The following CYP3A7 variants were observed in gnomAD, a reference collection of about 807,000 sequenced individuals.
The protein encoded by CYP3A7 is cytochrome P450 family 3 subfamily A member 7.
Under a neutral mutation model 55.2 loss-of-function variants are expected in CYP3A7, and 45 were observed. The observed-to-expected ratio is 0.82, with a 90% CI of 0.64 to 1.05. The LOEUF is 1.05. CYP3A7 is among the 50% of genes least tolerant of loss of function. The probability of loss-of-function intolerance (pLI) is 0.00; values close to 1 mark genes in which losing one functional copy is unlikely to be tolerated. For synonymous variants in CYP3A7, 180 were observed against 207.4 expected (o/e 0.87, Z 1.13); for missense variants, 548 against 605.3 (o/e 0.91, Z 0.99).
In CYP3A7 at chr7:99,710,756, T is replaced by A. The variant is rs1384820717; in HGVS notation, c.1002A>T (p.Glu334Asp). Residue 334 changes from glutamate to aspartate, a missense_variant, in exon 10 of 13, where the codon GAA becomes GAT. Physicochemically the swap from Glu to Asp is conservative, Grantham distance 45 (BLOSUM62 2). Transcript: ENST00000336374. The stretch of plus-strand genomic sequence containing the variant: ...CCTTATTGGGTAAAACTGTATCAAT[T>A]TCCTTCTGCACTTTCTGCTGGACAT... ...HPDVQQKVQK[E>D]IDTVLPNKAP... 1 of 1,613,948 alleles carries A rather than the reference T, an allele frequency of 6.2e-7. No individual in the cohort carries two copies. Among genetic ancestry groups the A allele is most frequent in the Non-Finnish European group, 8.5e-7 (1 of 1,179,880 alleles).
Position 99,734,957 on chromosome 7 carries a change from A to G in CYP3A7, c.71+66T>C, listed in dbSNP as rs1814773358. 7.5e-6 allele frequency: 12 copies of G among 1,609,376 alleles called. No individual in the cohort carries two copies. The East Asian group carries it at 2.7e-4, about 36-fold the overall frequency. On this transcript the variant is annotated intron_variant, in intron 1 of 12. Coordinates refer to ENST00000336374, the MANE Select transcript of CYP3A7 (RefSeq NM_000765.5). ...TTTGCTATTCAAAACAGATAAGGGA[A>G]AGAGAGGCCTGATTAGCACCCCAAG...
chr7:99,708,024 A>G (rs979831055), intron 11 of CYP3A7, 50 bp from the exon 12 acceptor site: 2 of 1,612,860 alleles, frequency 1.2e-6, no homozygotes, highest in Non-Finnish European at 1.7e-6. Flanking sequence ...TAATACCTCT[A>G]AGAGTTACAT....
At chr7:99,730,303 A>T (rs1267334975) in intron 2 of CYP3A7, among the ~76,000 whole-genome samples, 1 of 152,228 alleles carries the variant, frequency 6.6e-6, no homozygotes, top group Admixed American at 6.5e-5. Context: ...TGTAAAAAAT[A>T]AACCCATGAA....
In CYP3A7 at chr7:99,715,830, G is replaced by T; in HGVS notation, c.598C>A (p.Gln200Lys). The T allele has an allele frequency of 6.2e-7, 1 of 1,613,930 alleles. No individual in the cohort carries two copies. Among genetic ancestry groups the T allele is most frequent in the Non-Finnish European group, 8.5e-7 (1 of 1,179,838 alleles). Residue 200 changes from glutamine to lysine, a missense_variant, in exon 7 of 13, where the codon CAA (glutamine) becomes AAA (lysine). Gln to Lys is a moderately conservative substitution (Grantham distance 53, BLOSUM62 1). Coordinates refer to ENST00000336374, the MANE Select transcript of CYP3A7 (RefSeq NM_000765.5). ...GVSIDSLNNP[Q>K]DPFVENTKKL... The stretch of plus-strand genomic sequence containing the variant: ...TTGGTGTTTTCCACAAAGGGGTCTT[G>T]TGGATTGTTGAGAGAGTCGATGCTC...
intron 2 of CYP3A7, among the ~76,000 whole-genome samples, chr7:99,728,728 A>T (rs1430257991): frequency 6.6e-6 from 1 of 152,212 alleles, no homozygotes; most frequent in African/African-American, 2.4e-5. Context: ...CCAGACAAAA[A>T]TGAGTTATTC....
At chr7:99,710,938 G>A in intron 9 of CYP3A7, 46 bp from the exon 10 acceptor site, 1 of 1,612,792 alleles carries the variant, frequency 6.2e-7, no homozygotes, top group Non-Finnish European at 8.5e-7. Flanking sequence ...GTCAATGTAG[G>A]GCATCACAGT....
intron 6 of CYP3A7, among the ~76,000 whole-genome samples, chr7:99,716,182 A>G (rs1309273541): frequency 6.6e-6 from 1 of 152,206 alleles, no homozygotes; most frequent in Admixed American, 6.5e-5. Flanking sequence ...ACAGAGATCC[A>G]CTATCAGACA....
In CYP3A7 at chr7:99,708,462, TACCC is replaced by T. The variant is rs546291552; in HGVS notation, c.1254-492_1254-489del. ...CCTCCTTCTCCTCCCTACCTTGTCTTACCCCTCCTTCTCTCCTCCTTCTCCTCCT... is the reference window on the plus strand; with the variant it reads ...CCTCCTTCTCCTCCCTACCTTGTCTTCTCCTTCTCTCCTCCTTCTCCTCCT... On this transcript the variant is annotated intron_variant, in intron 11 of 12. Transcript: ENST00000336374. 1.4e-4 allele frequency among the ~76,000 whole-genome samples: 21 copies of T among 152,126 alleles called. No individual in the cohort carries two copies. The East Asian group carries it at 2.3e-3, about 17-fold the overall frequency.
chr7:99,705,309 A>C lies in CYP3A7; in HGVS notation c.*191T>G, dbSNP rs2151496682. 1.6e-6 allele frequency: 1 copy of C among 625,578 alleles called. No homozygotes were observed. Among genetic ancestry groups the C allele is most frequent in the East Asian group, 3.3e-5 (1 of 30,230 alleles). 38.8% of individuals were successfully genotyped at this position (625,578 alleles called of 1,614,324 possible). ...CAGCACTGATTTGGTCATCTCCTCT[A>C]TATTACCAAGTATAACACTCTATAC... On this transcript the variant is annotated 3_prime_UTR_variant, in exon 13 of 13. Coordinates refer to ENST00000336374, the MANE Select transcript of CYP3A7 (RefSeq NM_000765.5).
intron 11 of CYP3A7, 128 bp downstream of exon 11, chr7:99,708,907 T>G: frequency 8.8e-7 from 1 of 1,131,450 alleles, no homozygotes; most frequent in Non-Finnish European, 1.3e-6. Flanking sequence ...ATTTCATGAT[T>G]TGAAAAAACC....
At chr7:99,731,455 C>T (rs376835249) in intron 1 of CYP3A7, among the ~76,000 whole-genome samples, 8 of 152,284 alleles carry the variant, frequency 5.3e-5, no homozygotes, top group Middle Eastern at 3.4e-3. Flanking sequence ...GGTTCAGGAA[C>T]GAATTCTTCC....
chr7:99,715,107 C>T (rs911884798), intron 7 of CYP3A7, among the ~76,000 whole-genome samples: 4 of 151,960 alleles, frequency 2.6e-5, no homozygotes, highest in South Asian at 2.1e-4. Context: ...AATAAGGTAA[C>T]GAAAATTGGG....
chr7:99,713,031 G>A (rs1813814115), intron 9 of CYP3A7, among the ~76,000 whole-genome samples: 2 of 152,174 alleles, frequency 1.3e-5, no homozygotes. Context: ...CCCTTATTTG[G>A]ATAGCATGGC....
At position 99,705,341 on chromosome 7, in the gene CYP3A7, T is replaced by C; in HGVS notation, c.*159A>G. On this transcript the variant is annotated 3_prime_UTR_variant, in exon 13 of 13. Transcript: ENST00000336374. Reference sequence around the variant, plus strand: ...CAAGTATAACACTCTATACAGACCATGAGAGAGCACAATGCACGTACAGAA... The same window carrying C: ...CAAGTATAACACTCTATACAGACCACGAGAGAGCACAATGCACGTACAGAA... 1.3e-6 allele frequency: 1 copy of C among 798,892 alleles called. No individual in the cohort carries two copies. The allele number at this position is 798,892 out of a possible 1,614,324, so 49.5% of individuals were successfully genotyped here. A position where few individuals can be genotyped will look rare whatever the true frequency, so the allele number is the denominator to read the frequency against.
intron 3 of CYP3A7, among the ~76,000 whole-genome samples, chr7:99,721,153 A>G (rs1814184448): frequency 6.6e-6 from 1 of 152,236 alleles, no homozygotes; most frequent in South Asian, 2.1e-4. Flanking sequence ...TCAGCCCACC[A>G]GGGAACACAA....
rs1469367240 is a variant in CYP3A7, at chr7:99,715,914, G to C, written c.522-8C>G. The stretch of plus-strand genomic sequence containing the variant: ...CTGTAGGCCCCAAAGACGCTGAGTG[G>C]AGAAAGATGTGGAAAATTAAAATCA... On this transcript the variant is annotated splice_polypyrimidine_tract_variant and splice_region_variant and intron_variant, in intron 6 of 12. Transcript: ENST00000336374. 2 of 1,613,480 alleles carry C rather than the reference G, an allele frequency of 1.2e-6. No homozygotes were observed. The highest frequency in any genetic ancestry group is 1.7e-6 in the Non-Finnish European group (2 of 1,179,750).
At chr7:99,707,389 G>A (rs1813565505) in intron 12 of CYP3A7, among the ~76,000 whole-genome samples, 1 of 152,228 alleles carries the variant, frequency 6.6e-6, no homozygotes, top group African/African-American at 2.4e-5. Context: ...GCTCCCTGGT[G>A]ATTCCAATGT....
At chr7:99,721,759 C>T (rs149738077) in intron 3 of CYP3A7, among the ~76,000 whole-genome samples, 1 of 148,562 alleles carries the variant, frequency 6.7e-6, no homozygotes, top group African/African-American at 2.5e-5. Flanking sequence ...GTGTGTGTGT[C>T]AGTGTGTCTG....
At chr7:99,727,311 C>A (rs1371969460) in intron 2 of CYP3A7, among the ~76,000 whole-genome samples, 1 of 152,228 alleles carries the variant, frequency 6.6e-6, no homozygotes, top group African/African-American at 2.4e-5. Context: ...CACCCTAATA[C>A]TTTTAGAAGC....
Sources: allele counts gnomAD v4.1 joint callset (sites outside exome capture counted in the v4.1 genomes callset), GRCh38; gene constraint gnomAD v4.1.1; transcripts MANE v1.5; gene names NCBI Gene and HGNC (gene_info 2026-07-23, HGNC 2026-07-21).